Variants in DAB1 observed in about 807,000 individuals in gnomAD.
The protein encoded by DAB1 is DAB adaptor protein 1.
A neutral mutation model predicts 64.6 loss-of-function variants in DAB1; 15 were observed. The ratio of observed to expected loss-of-function variants is 0.23; its 90% confidence interval spans 0.16 to 0.36. The LOEUF (loss-of-function observed/expected upper bound fraction) is 0.36. DAB1 is among the 10% of genes least tolerant of loss of function. The probability of loss-of-function intolerance (pLI) is 1.00; values close to 1 mark genes in which losing one functional copy is unlikely to be tolerated. For synonymous variants in DAB1, 235 were observed against 251.9 expected (o/e 0.93, Z 0.64); for missense variants, 596 against 706.7 (o/e 0.84, Z 1.78).
intron 5 of DAB1, among the ~76,000 whole-genome samples, chr1:58,077,466 G>T (rs1314195243): frequency 1.3e-5 from 2 of 152,142 alleles, no homozygotes; most frequent in South Asian, 4.1e-4. Context: ...CAAATAATGA[G>T]AATGAAGAAG....
rs112756751 is a variant in DAB1, at chr1:57,651,668, A to AC, written n.552-2004_552-2003insG. ...CGGGTTTATTGTAGAAAACAAACAA[A>AC]AAAAAAATGACAGAAAGCCTGGAAT... On this transcript the variant is annotated intron_variant and non_coding_transcript_variant, in intron 6 of 20. Transcript: ENST00000485760. Among the ~76,000 whole-genome samples the AC allele has an allele frequency of 6.1e-3, 909 of 149,602 alleles. 6 individuals carry two copies. Among genetic ancestry groups the AC allele is most frequent in the Non-Finnish European group, 7.9e-3 (534 of 67,842 alleles).
intron 7 of DAB1, among the ~76,000 whole-genome samples, chr1:57,435,974 T>C (rs1685681757): frequency 6.8e-6 from 1 of 147,776 alleles, no homozygotes; most frequent in South Asian, 2.2e-4. Flanking sequence ...TGGAGTGCAG[T>C]GGTGTGATCT....
intron 5 of DAB1, among the ~76,000 whole-genome samples, chr1:58,146,760 G>A (rs909610836): frequency 5.9e-5 from 9 of 151,538 alleles, no homozygotes; most frequent in Non-Finnish European, 1.0e-4. Flanking sequence ...ATTTATAATA[G>A]AATATATGTG....
chr1:58,011,397 C>T (rs1276948902), intron 5 of DAB1, among the ~76,000 whole-genome samples: 2 of 152,086 alleles, frequency 1.3e-5, no homozygotes, highest in East Asian at 3.9e-4. Context: ...ATTTTCATTT[C>T]ATTTAATCTT....
chr1:57,908,972 T>TA (rs34848109), intron 5 of DAB1, among the ~76,000 whole-genome samples: 32,497 of 151,474 alleles, frequency 0.21, 3,695 homozygotes, highest in Admixed American at 0.28. Context: ...TATTTTCCTT[T>TA]AAAAAAAAAT....
chr1:57,056,830 C>T (rs1299721232), intron 9 of DAB1, among the ~76,000 whole-genome samples: 1 of 151,772 alleles, frequency 6.6e-6, no homozygotes, highest in South Asian at 2.1e-4. Context: ...TGCCACTGCA[C>T]TTTAGCCTGG....
At chr1:58,031,255 A>G (rs545730703) in intron 5 of DAB1, among the ~76,000 whole-genome samples, 1 of 152,352 alleles carries the variant, frequency 6.6e-6, no homozygotes, top group African/African-American at 2.4e-5. Flanking sequence ...GAATGGAAGC[A>G]TGGAGGCAAG....
intron 4 of DAB1, among the ~76,000 whole-genome samples, chr1:57,073,254 A>G (rs1651675009): frequency 6.6e-6 from 1 of 152,186 alleles, no homozygotes; most frequent in Non-Finnish European, 1.5e-5. Context: ...CTTCTCTGAT[A>G]TATTTACATG....
chr1:57,774,831 C>T (rs149720022), intron 6 of DAB1, among the ~76,000 whole-genome samples: 277 of 151,758 alleles, frequency 1.8e-3, no homozygotes, highest in African/African-American at 6.4e-3. Flanking sequence ...TGAAAGATTT[C>T]GTGTGGGAGT....
chr1:57,577,181 T>C (rs1233707993), intron 7 of DAB1, among the ~76,000 whole-genome samples: 1 of 152,170 alleles, frequency 6.6e-6, no homozygotes, highest in Admixed American at 6.5e-5. Flanking sequence ...ATTTTTGCTA[T>C]TACACGAATC....
At chr1:57,603,432 C>T (rs915028237) in intron 7 of DAB1, among the ~76,000 whole-genome samples, 7 of 152,328 alleles carry the variant, frequency 4.6e-5, no homozygotes, top group African/African-American at 1.7e-4. Context: ...TGCCTTCTAT[C>T]TACAGCTCTT....
At chr1:57,863,715 G>A (rs999975598) in intron 1 of DAB1, among the ~76,000 whole-genome samples, 2 of 152,146 alleles carry the variant, frequency 1.3e-5, no homozygotes, top group Admixed American at 6.5e-5. Context: ...AGATCTTGGA[G>A]GTGGAGTGGG....
intron 4 of DAB1, among the ~76,000 whole-genome samples, chr1:58,327,575 T>C (rs1019689296): frequency 1.3e-5 from 2 of 152,226 alleles, no homozygotes; most frequent in African/African-American, 4.8e-5. Flanking sequence ...TGCTTGTTGC[T>C]TCTCCCCCTA....
chr1:57,398,680 T>C (rs1683006715), intron 1 of DAB1, among the ~76,000 whole-genome samples: 1 of 152,180 alleles, frequency 6.6e-6, no homozygotes, highest in Non-Finnish European at 1.5e-5. Context: ...AAACACCCCA[T>C]GTTTACAAGT....
At chr1:57,604,583 G>T (rs893940154) in intron 7 of DAB1, among the ~76,000 whole-genome samples, 1 of 152,112 alleles carries the variant, frequency 6.6e-6, no homozygotes, top group African/African-American at 2.4e-5. Context: ...GACCCACAGA[G>T]CCAGAAAATA....
chr1:58,474,215 T>C (rs1234452652), intron 3 of DAB1, among the ~76,000 whole-genome samples: 1 of 152,160 alleles, frequency 6.6e-6, no homozygotes, highest in Non-Finnish European at 1.5e-5. Context: ...GCTCTTTACA[T>C]GGCCACAACA....
rs915776122 is a variant in DAB1 at position 57,214,573 on chromosome 1, A to C, written c.68-69144T>G. Among the ~76,000 whole-genome samples, 27 of 152,084 alleles carry C rather than the reference A, an allele frequency of 1.8e-4. 1 individual carries two copies. Among genetic ancestry groups the C allele is most frequent in the African/African-American group, 6.5e-4 (27 of 41,408 alleles). On this transcript the variant is annotated intron_variant, in intron 2 of 14. Coordinates refer to ENST00000371236, the MANE Select transcript of DAB1 (RefSeq NM_001365792.1). Reference sequence around the variant, plus strand: ...TAGCAATTGCTATTTTTGTTGCCCTACCTAGCCTAAGAGGAAGGGAGCACA... The same window carrying C: ...TAGCAATTGCTATTTTTGTTGCCCTCCCTAGCCTAAGAGGAAGGGAGCACA...
chr1:57,943,348 A>G (rs1411846378), intron 5 of DAB1, among the ~76,000 whole-genome samples: 1 of 152,240 alleles, frequency 6.6e-6, no homozygotes, highest in Non-Finnish European at 1.5e-5. Flanking sequence ...GCTGTTATTA[A>G]TTGAGCAGTC....
intron 7 of DAB1, among the ~76,000 whole-genome samples, chr1:57,591,031 C>T (rs535399805): frequency 5.9e-5 from 9 of 152,144 alleles, no homozygotes; most frequent in South Asian, 2.1e-4. Context: ...AGCCAGGTGA[C>T]GGTGAAATTG....
Sources: allele counts gnomAD v4.1 joint callset (sites outside exome capture counted in the v4.1 genomes callset), GRCh38; gene constraint gnomAD v4.1.1; transcripts MANE v1.5; gene names NCBI Gene and HGNC (gene_info 2026-07-23, HGNC 2026-07-21).